Variants in ADAMTS3 observed in about 807,000 individuals in gnomAD.
ADAMTS3 encodes ADAM metallopeptidase with thrombospondin type 1 motif 3, also known as A disintegrin and metalloproteinase with thrombospondin motifs 3.
A neutral mutation model predicts 129.0 loss-of-function variants in ADAMTS3; 73 were observed. The ratio of observed to expected loss-of-function variants is 0.57; its 90% CI spans 0.47 to 0.69. The LOEUF (loss-of-function observed/expected upper bound fraction) is 0.69, where lower values mean the gene tolerates loss of function less well. ADAMTS3 is among the 30% of genes least tolerant of loss of function. ADAMTS3 has a pLI of 0.00. For missense variants in ADAMTS3, 1,457 were observed against 1,514.5 expected (o/e 0.96, Z 0.63); for synonymous variants, 477 against 510.8 (o/e 0.93, Z 0.89).
intron 2 of ADAMTS3, among the ~76,000 whole-genome samples, chr4:72,562,176 T>C (rs1721919678): frequency 1.3e-5 from 2 of 152,314 alleles, no homozygotes; most frequent in South Asian, 4.1e-4. Context: ...ATCTTTCAGA[T>C]TGCATAACCA....
At chr4:72,305,854 A>G in intron 16 of ADAMTS3, 133 bp downstream of exon 16, 1 of 753,192 alleles carries the variant, frequency 1.3e-6, no homozygotes, top group Non-Finnish European at 2.3e-6. Flanking sequence ...ACGTACATAT[A>G]CGTATGCACA....
At chr4:72,304,968 G>A (rs377654299) in intron 16 of ADAMTS3, among the ~76,000 whole-genome samples, 2 of 151,914 alleles carry the variant, frequency 1.3e-5, no homozygotes, top group African/African-American at 2.4e-5. Context: ...AGACTATTAC[G>A]ACATTTAGTA....
intron 3 of ADAMTS3, among the ~76,000 whole-genome samples, chr4:72,437,250 T>C (rs1215223194): frequency 6.6e-6 from 1 of 151,846 alleles, no homozygotes; most frequent in Non-Finnish European, 1.5e-5. Flanking sequence ...AAAAAATACA[T>C]ATTTAGGAAG....
At chr4:72,518,495 G>C (rs1432005850) in intron 3 of ADAMTS3, among the ~76,000 whole-genome samples, 1 of 151,878 alleles carries the variant, frequency 6.6e-6, no homozygotes, top group Non-Finnish European at 1.5e-5. Flanking sequence ...GGTCACTCAG[G>C]ACTTGCTTTA....
chr4:72,464,785 GT>G (rs1259927467), intron 3 of ADAMTS3, among the ~76,000 whole-genome samples: 2 of 152,082 alleles, frequency 1.3e-5, no homozygotes, highest in Non-Finnish European at 2.9e-5. Context: ...CTATGAGATA[GT>G]TTGGAAAAGT....
Position 72,563,092 on chromosome 4 carries a change from T to A in ADAMTS3, c.97+4282A>T, listed in dbSNP as rs1040877366. 3.2e-4 allele frequency among the ~76,000 whole-genome samples: 49 copies of A among 152,010 alleles called. 1 individual carries two copies. Among genetic ancestry groups the A allele is most frequent in the Admixed American group, 3.1e-3 (48 of 15,250 alleles). On this transcript the variant is annotated intron_variant, in intron 2 of 21. Coordinates refer to ENST00000286657, the MANE Select transcript of ADAMTS3 (RefSeq NM_014243.3). ...CTGGAAGCAGAGGCGACCTTGAGGG[T>A]TTTTTAACATTTCTGAGCAATATTA...
chr4:72,492,512 A>G (rs574409552), intron 3 of ADAMTS3, among the ~76,000 whole-genome samples: 2 of 151,562 alleles, frequency 1.3e-5, no homozygotes, highest in Admixed American at 6.6e-5. Context: ...TATATTTGTG[A>G]ATTTTTCACT....
At chr4:72,313,059 C>A (rs1388792107) in intron 12 of ADAMTS3, among the ~76,000 whole-genome samples, 1 of 152,156 alleles carries the variant, frequency 6.6e-6, no homozygotes, top group African/African-American at 2.4e-5. Flanking sequence ...TGCTCAGAGA[C>A]ATCCTGCTGC....
intron 20 of ADAMTS3, 103 bp from the exon 21 acceptor site, chr4:72,288,971 GAC>G (rs1166061708): frequency 1.2e-5 from 7 of 607,716 alleles, no homozygotes; most frequent in African/African-American, 1.0e-4. Context: ...CACACACAAA[GAC>G]ACAGAGATCT....
intron 5 of ADAMTS3, among the ~76,000 whole-genome samples, chr4:72,325,145 T>C (rs1411831301): frequency 1.3e-5 from 2 of 152,094 alleles, no homozygotes; most frequent in African/African-American, 4.8e-5. Flanking sequence ...ATAGCCTTCA[T>C]ATGGAAAAGG....
chr4:72,458,220 C>A (rs985690783), intron 3 of ADAMTS3, among the ~76,000 whole-genome samples: 2 of 151,582 alleles, frequency 1.3e-5, no homozygotes, highest in Admixed American at 1.3e-4. Context: ...GTACATGCAT[C>A]ACTGAACTAA....
chr4:72,511,638 A>G (rs1282677855), intron 3 of ADAMTS3, among the ~76,000 whole-genome samples: 5 of 152,184 alleles, frequency 3.3e-5, no homozygotes, highest in African/African-American at 1.2e-4. Flanking sequence ...TGTGGAGAAA[A>G]GGGTACTGTT....
intron 3 of ADAMTS3, among the ~76,000 whole-genome samples, chr4:72,492,216 C>T (rs1719766521): frequency 6.6e-6 from 1 of 151,428 alleles, no homozygotes; most frequent in Non-Finnish European, 1.5e-5. Flanking sequence ...CAACTTTCAG[C>T]TTTGCTGATT....
chr4:72,546,060 G>C (rs550738493), intron 3 of ADAMTS3, among the ~76,000 whole-genome samples: 1 of 152,266 alleles, frequency 6.6e-6, no homozygotes, highest in Admixed American at 6.5e-5. Context: ...TTTTTGAAGG[G>C]ATCAAATCAC....
At chr4:72,370,637 C>A (rs1228441191) in intron 4 of ADAMTS3, among the ~76,000 whole-genome samples, 1 of 152,078 alleles carries the variant, frequency 6.6e-6, no homozygotes, top group Non-Finnish European at 1.5e-5. Context: ...GTAGTCTCAG[C>A]TACTCAGGAG....
At chr4:72,450,941 A>C (rs186264124) in intron 3 of ADAMTS3, among the ~76,000 whole-genome samples, 1 of 142,776 alleles carries the variant, frequency 7.0e-6, no homozygotes, top group African/African-American at 2.7e-5. Flanking sequence ...GGAAGGAAGG[A>C]AGGAAGGCAG....
intron 4 of ADAMTS3, among the ~76,000 whole-genome samples, chr4:72,409,538 T>C (rs542137670): frequency 5.7e-4 from 85 of 149,406 alleles, no homozygotes; most frequent in African/African-American, 2.0e-3. Context: ...ACATTTTGCG[T>C]CTTTTCATCT....
At position 72,368,251 on chromosome 4, in the gene ADAMTS3, G is replaced by A. The variant is rs1720920908; in HGVS notation, c.662-28558C>T. ...TTTTGAATTCAATATTACTCCCGAA[G>A]CCATTAGTTTTCGAAGTGTGGTTTC... On this transcript the variant is annotated intron_variant, in intron 4 of 21. Transcript: ENST00000286657. 2.6e-5 allele frequency among the ~76,000 whole-genome samples: 4 copies of A among 152,246 alleles called. No individual in the cohort carries two copies. The South Asian group carries it at 8.3e-4, about 32-fold the overall frequency.
In ADAMTS3 at chr4:72,312,424, C is replaced by T. The variant is rs1316723241; in HGVS notation, c.1788G>A (p.Glu596=). 1.9e-6 allele frequency: 3 copies of T among 1,613,580 alleles called. No homozygotes were observed. The highest frequency in any genetic ancestry group is 1.7e-4 in the Middle Eastern group (1 of 6,056). The change falls in exon 13 of 22, where the codon GAG becomes GAA. Residue 596 remains glutamate, a synonymous_variant. Coordinates refer to ENST00000286657, the MANE Select transcript of ADAMTS3 (RefSeq NM_014243.3). ...GGQDCPGVNF[E]YQLCNTEECQ... is the part of the protein sequence containing the mutation. The stretch of plus-strand genomic sequence containing the variant: ...ATTCTTCTGTGTTACAAAGCTGGTA[C>T]TCAAAATTAACACCAGGACAATCCT...
Sources: allele counts gnomAD v4.1 joint callset (sites outside exome capture counted in the v4.1 genomes callset), GRCh38; gene constraint gnomAD v4.1.1; transcripts MANE v1.5; gene names NCBI Gene and HGNC (gene_info 2026-07-23, HGNC 2026-07-21).